NELL1: variants seen among roughly 807,000 people sequenced by gnomAD.
The protein encoded by NELL1 is neural EGFL like 1, also known as protein kinase C-binding protein NELL1.
In NELL1, 76 loss-of-function variants were observed where a neutral mutation model predicts 107.4. The observed-to-expected ratio is 0.71, with a 90% confidence interval of 0.59 to 0.86. The LOEUF (loss-of-function observed/expected upper bound fraction) is 0.86. Ranked by LOEUF, NELL1 falls within the 40% of genes least tolerant of loss-of-function variation. The probability of loss-of-function intolerance (pLI) is 0.00; values close to 1 mark genes in which losing one functional copy is unlikely to be tolerated. For synonymous variants in NELL1, 353 were observed against 341.2 expected, an observed-to-expected ratio of 1.03 and a Z score of -0.38; for missense variants, 1,024 against 1,005.5, an observed-to-expected ratio of 1.02 and a Z score of -0.25.
chr11:21,092,356 T>C (rs1854540886), intron 12 of NELL1, among the ~76,000 whole-genome samples: 1 of 152,142 alleles, frequency 6.6e-6, no homozygotes, highest in African/African-American at 2.4e-5. Flanking sequence ...CTGTACAGTC[T>C]TAAGCAAGTT....
chr11:21,246,226 A>G (rs1032904418), intron 14 of NELL1, among the ~76,000 whole-genome samples: 3 of 152,162 alleles, frequency 2.0e-5, no homozygotes, highest in Non-Finnish European at 4.4e-5. Flanking sequence ...TATTGTCTCC[A>G]TATTATATGT....
intron 14 of NELL1, among the ~76,000 whole-genome samples, chr11:21,322,299 C>T (rs1850029101): frequency 6.6e-6 from 1 of 152,044 alleles, no homozygotes; most frequent in African/African-American, 2.4e-5. Context: ...CTTATTTCCC[C>T]ATCTGTGAGA....
chr11:21,270,120 A>G (rs1565139149), intron 14 of NELL1, among the ~76,000 whole-genome samples: 1 of 152,124 alleles, frequency 6.6e-6, no homozygotes, highest in Non-Finnish European at 1.5e-5. Flanking sequence ...CAAAAAGAAG[A>G]CAAAGATTGG....
At chr11:21,493,566 A>T (rs1012174056) in intron 15 of NELL1, among the ~76,000 whole-genome samples, 2 of 152,058 alleles carry the variant, frequency 1.3e-5, no homozygotes, top group African/African-American at 2.4e-5. Flanking sequence ...TAGAGTATAG[A>T]ATGATAGATA....
intron 7 of NELL1, among the ~76,000 whole-genome samples, chr11:20,925,759 C>T (rs1850483178): frequency 6.6e-6 from 1 of 152,082 alleles, no homozygotes. Flanking sequence ...TTTGCTACCA[C>T]CCACAAAAGG....
chr11:20,838,480 T>C (rs10833398), intron 3 of NELL1, among the ~76,000 whole-genome samples: 26,287 of 151,552 alleles, frequency 0.17, 2,555 homozygotes, highest in African/African-American at 0.25. Flanking sequence ...GGAAACTCTA[T>C]TTTTGTAATT....
chr11:21,015,507 T>C (rs531457201), intron 12 of NELL1, among the ~76,000 whole-genome samples: 1 of 152,248 alleles, frequency 6.6e-6, no homozygotes, highest in South Asian at 2.1e-4. Flanking sequence ...ACTTCTTTCT[T>C]CTTTTCACAA....
intron 14 of NELL1, among the ~76,000 whole-genome samples, chr11:21,248,295 G>A (rs1306918926): frequency 1.3e-5 from 2 of 151,240 alleles, no homozygotes; most frequent in South Asian, 4.2e-4. Context: ...GCAGTGATCC[G>A]AGATCATGCC....
At chr11:20,989,412 G>A (rs1330182642) in intron 12 of NELL1, among the ~76,000 whole-genome samples, 1 of 152,240 alleles carries the variant, frequency 6.6e-6, no homozygotes, top group Admixed American at 6.5e-5. Flanking sequence ...TACATAAAAG[G>A]CCAGGGTATT....
chr11:21,082,805 C>A (rs1006727400), intron 12 of NELL1, among the ~76,000 whole-genome samples: 5 of 152,220 alleles, frequency 3.3e-5, no homozygotes, highest in African/African-American at 1.2e-4. Flanking sequence ...TCTTCTTCAA[C>A]TGAAATGCTT....
At chr11:21,244,060 A>G (rs190144506) in intron 14 of NELL1, among the ~76,000 whole-genome samples, 1 of 152,286 alleles carries the variant, frequency 6.6e-6, no homozygotes, top group East Asian at 1.9e-4. Flanking sequence ...AGAATACCTC[A>G]TTCCTTCTAC....
At chr11:20,779,118 C>A (rs973333447) in intron 2 of NELL1, among the ~76,000 whole-genome samples, 4 of 152,156 alleles carry the variant, frequency 2.6e-5, no homozygotes, top group African/African-American at 9.7e-5. Flanking sequence ...ATCCTGGCTA[C>A]AACTGTAATT....
chr11:21,533,631 G>C (rs950965133), intron 15 of NELL1, among the ~76,000 whole-genome samples: 4 of 152,124 alleles, frequency 2.6e-5, no homozygotes, highest in African/African-American at 9.7e-5. Context: ...TAAAAAGCCA[G>C]AGCCTAGACA....
At chr11:21,301,863 A>G (rs2133624785) in intron 14 of NELL1, among the ~76,000 whole-genome samples, 1 of 152,166 alleles carries the variant, frequency 6.6e-6, no homozygotes, top group Middle Eastern at 3.4e-3. Context: ...GATATTTAAT[A>G]ATGTAGCATT....
At chr11:21,026,927 C>T (rs538283254) in intron 12 of NELL1, among the ~76,000 whole-genome samples, 1 of 152,228 alleles carries the variant, frequency 6.6e-6, no homozygotes, top group Non-Finnish European at 1.5e-5. Context: ...ATTTTCCACC[C>T]CAGCCCTTCT....
chr11:21,022,971 T>A (rs1245403023), intron 12 of NELL1, among the ~76,000 whole-genome samples: 2 of 151,392 alleles, frequency 1.3e-5, no homozygotes, highest in African/African-American at 2.4e-5. Context: ...ACATGAGGAG[T>A]GGGGCTGAAC....
At chr11:21,069,973 C>A (rs1162890302) in intron 12 of NELL1, among the ~76,000 whole-genome samples, 1 of 152,180 alleles carries the variant, frequency 6.6e-6, no homozygotes, top group African/African-American at 2.4e-5. Flanking sequence ...TCCTTCCCTT[C>A]TTTCAAATAG....
At chr11:21,356,628 C>T (rs1850940097) in intron 14 of NELL1, among the ~76,000 whole-genome samples, 1 of 152,126 alleles carries the variant, frequency 6.6e-6, no homozygotes, top group Non-Finnish European at 1.5e-5. Flanking sequence ...TACTGTAGCG[C>T]ATAGTAGATG....
chr11:21,451,023 T>C (rs982158818), intron 15 of NELL1, among the ~76,000 whole-genome samples: 1 of 151,246 alleles, frequency 6.6e-6, no homozygotes, highest in Non-Finnish European at 1.5e-5. Flanking sequence ...ACCCCGTCTC[T>C]ACTAAAAATA....
Sources: gnomAD v4.1 joint callset for allele counts (sites outside exome capture counted in the v4.1 genomes callset) on GRCh38, gnomAD v4.1.1 for gene constraint, MANE v1.5 for transcripts, NCBI Gene and HGNC (gene_info 2026-07-23, HGNC 2026-07-21) for gene names.